Variants in HIVEP1 observed in about 807,000 individuals in gnomAD.
The protein encoded by HIVEP1 is HIVEP zinc finger 1.
Under a neutral mutation model 180.0 loss-of-function variants are expected in HIVEP1, and 36 were observed. The observed-to-expected ratio is 0.20, with a 90% CI of 0.15 to 0.26. The LOEUF is 0.26. Ranked by LOEUF, HIVEP1 falls within the 10% of genes least tolerant of loss-of-function variation. The pLI is 1.00. For synonymous variants in HIVEP1, 1,239 were observed against 1,239.0 expected, an observed-to-expected ratio of 1.00 and a Z score of 0.00; for missense variants, 3,143 against 3,268.7, an observed-to-expected ratio of 0.96 and a Z score of 0.94.
chr6:12,168,518 CTG>C (rs1760820749), downstream of HIVEP1, among the ~76,000 whole-genome samples: 1 of 151,188 alleles, frequency 6.6e-6, no homozygotes, highest in Non-Finnish European at 1.5e-5. Flanking sequence ...TATATACAGA[CTG>C]TTCACAACTT....
At chr6:12,129,719 T>G in intron 4 of HIVEP1, 40 bp from the exon 5 acceptor site, 2 of 1,510,108 alleles carry the variant, frequency 1.3e-6, no homozygotes, top group Non-Finnish European at 9.2e-7. Flanking sequence ...GCTTGTGTTT[T>G]CAGTTTTATT....
At chr6:12,115,516 T>C (rs1405973703) in intron 3 of HIVEP1, among the ~76,000 whole-genome samples, 3 of 152,098 alleles carry the variant, frequency 2.0e-5, no homozygotes, top group Non-Finnish European at 4.4e-5. Flanking sequence ...CTGAGTGTGC[T>C]TTGTATCTGT....
At chr6:12,008,257 T>C (rs1277279303), upstream of HIVEP1, 2 of 152,202 alleles carry the variant, frequency 1.3e-5, no homozygotes, top group African/African-American at 4.8e-5. Flanking sequence ...TGCCTTTAGA[T>C]TTTTATTCTT....
chr6:12,075,513 G>A (rs1724853399), intron 2 of HIVEP1, among the ~76,000 whole-genome samples: 1 of 151,126 alleles, frequency 6.6e-6, no homozygotes, highest in South Asian at 2.1e-4. Context: ...GTCATTTCTT[G>A]TTTATTATTA....
At chr6:12,098,584 G>T (rs548456296) in intron 3 of HIVEP1, among the ~76,000 whole-genome samples, 66 of 152,338 alleles carry the variant, frequency 4.3e-4, no homozygotes, top group African/African-American at 1.5e-3. Flanking sequence ...GAAAGAAAGA[G>T]ATAAGCTTGT....
downstream of HIVEP1, among the ~76,000 whole-genome samples, chr6:12,165,407 G>A (rs1345048674): frequency 1.3e-5 from 2 of 152,120 alleles, no homozygotes; most frequent in African/African-American, 2.4e-5. Context: ...AGATCCATTC[G>A]TGGGCTATGG....
At chr6:12,139,885 T>A (rs1025922007) in intron 7 of HIVEP1, among the ~76,000 whole-genome samples, 6 of 152,246 alleles carry the variant, frequency 3.9e-5, no homozygotes, top group African/African-American at 7.2e-5. Context: ...AGACTGCCTC[T>A]GTAGTCTCCA....
chr6:12,116,374 C>G (rs1331349669), intron 3 of HIVEP1, among the ~76,000 whole-genome samples: 1 of 151,980 alleles, frequency 6.6e-6, no homozygotes, highest in Non-Finnish European at 1.5e-5. Context: ...GCTGTTCAGC[C>G]CCAGATCTTG....
intron 2 of HIVEP1, among the ~76,000 whole-genome samples, chr6:12,073,939 G>C (rs1274349615): frequency 1.3e-5 from 2 of 152,112 alleles, no homozygotes; most frequent in African/African-American, 2.4e-5. Flanking sequence ...GAGCTGGTGA[G>C]AGGTCCCTGC....
At chr6:12,052,173 C>A (rs1208790321) in intron 2 of HIVEP1, among the ~76,000 whole-genome samples, 1 of 152,122 alleles carries the variant, frequency 6.6e-6, no homozygotes, top group African/African-American at 2.4e-5. Context: ...GGAATCAAGA[C>A]CACGGCATAT....
At chr6:12,096,101 T>C (rs1773768183) in intron 3 of HIVEP1, among the ~76,000 whole-genome samples, 1 of 152,062 alleles carries the variant, frequency 6.6e-6, no homozygotes, top group African/African-American at 2.4e-5. Flanking sequence ...GCCACTATCA[T>C]TACCAGTAAT....
chr6:12,162,222 TAA>T (rs67198436), intron 8 of HIVEP1, among the ~76,000 whole-genome samples: 44,438 of 145,988 alleles, frequency 0.3, 6,927 homozygotes, highest in Middle Eastern at 0.41. Context: ...TTTTTGAAAT[TAA>T]AAAAAAAAAA....
chr6:12,009,166 C>A (rs1213024965), upstream of HIVEP1, among the ~76,000 whole-genome samples: 1 of 144,864 alleles, frequency 6.9e-6, no homozygotes, highest in Non-Finnish European at 1.5e-5. Context: ...GCGCGCTGGG[C>A]GGAGGGCCGG....
intron 7 of HIVEP1, among the ~76,000 whole-genome samples, chr6:12,140,215 A>G (rs561896326): frequency 9.6e-4 from 146 of 152,360 alleles, no homozygotes; most frequent in Middle Eastern, 3.4e-3. Flanking sequence ...ATACCCAGGC[A>G]TACAGGGCCT....
chr6:12,172,192 A>G, the HIVEP1 span, among the ~76,000 whole-genome samples: 3 of 152,318 alleles, frequency 2.0e-5, no homozygotes, highest in East Asian at 5.8e-4. Flanking sequence ...AAAGTTTTCT[A>G]ATTACTTTGC....
At chr6:12,146,194 G>A (rs1272587578) in intron 7 of HIVEP1, among the ~76,000 whole-genome samples, 1 of 152,232 alleles carries the variant, frequency 6.6e-6, no homozygotes, top group African/African-American at 2.4e-5. Context: ...TGTAATCCCA[G>A]CACTTTGGGA....
intron 2 of HIVEP1, among the ~76,000 whole-genome samples, chr6:12,031,428 G>A (rs1226742328): frequency 6.6e-6 from 1 of 152,172 alleles, no homozygotes; most frequent in Non-Finnish European, 1.5e-5. Flanking sequence ...GTAAGTCCCT[G>A]GCTAGTCTTC....
intron 3 of HIVEP1, among the ~76,000 whole-genome samples, chr6:12,109,164 A>T (rs1251760900): frequency 8.0e-6 from 1 of 124,484 alleles, no homozygotes; most frequent in Non-Finnish European, 1.8e-5. Context: ...AATTTTTTTA[A>T]ATTTTTTGTT....
At chr6:12,088,436 T>G (rs1773243198) in intron 2 of HIVEP1, among the ~76,000 whole-genome samples, 1 of 152,122 alleles carries the variant, frequency 6.6e-6, no homozygotes, top group Non-Finnish European at 1.5e-5. Context: ...AGTATGTATA[T>G]CCTTATAAAG....
Sources: gnomAD v4.1 joint callset for allele counts (sites outside exome capture counted in the v4.1 genomes callset) on GRCh38, gnomAD v4.1.1 for gene constraint, MANE v1.5 for transcripts, NCBI Gene and HGNC (gene_info 2026-07-23, HGNC 2026-07-21) for gene names.